The following TOM1L2 variants were observed in gnomAD, a reference collection of about 807,000 sequenced individuals.
The protein encoded by TOM1L2 is TOM1-like protein 2.
In TOM1L2, 31 loss-of-function variants were observed where a neutral mutation model predicts 67.9. That is an observed-to-expected ratio of 0.46 (90% CI 0.34 to 0.62). The LOEUF (loss-of-function observed/expected upper bound fraction) is 0.62, where lower values mean the gene tolerates loss of function less well. TOM1L2 is among the 20% of genes least tolerant of loss of function. The pLI is 0.01. For synonymous variants in TOM1L2, 256 were observed against 254.0 expected, an observed-to-expected ratio of 1.01 and a Z score of -0.07; for missense variants, 606 against 663.5, an observed-to-expected ratio of 0.91 and a Z score of 0.95.
chr17:17,876,261 A>G (rs1313071781), intron 7 of TOM1L2, among the ~76,000 whole-genome samples: 1 of 152,190 alleles, frequency 6.6e-6, no homozygotes, highest in African/African-American at 2.4e-5. Context: ...GGTTCCTTGA[A>G]CAGGATGACA....
chr17:17,854,021 G>T (rs1281594397), intron 12 of TOM1L2, among the ~76,000 whole-genome samples: 1 of 152,208 alleles, frequency 6.6e-6, no homozygotes, highest in Non-Finnish European at 1.5e-5. Context: ...CAATATAGAA[G>T]CCACTTGGCC....
At chr17:17,958,240 G>A (rs1289262324) in intron 1 of TOM1L2, among the ~76,000 whole-genome samples, 1 of 152,156 alleles carries the variant, frequency 6.6e-6, no homozygotes, top group Non-Finnish European at 1.5e-5. Flanking sequence ...TAACTGACAG[G>A]ATGTGCCCCA....
chr17:17,953,349 G>A (rs1168905100), intron 1 of TOM1L2, among the ~76,000 whole-genome samples: 3 of 152,178 alleles, frequency 2.0e-5, no homozygotes, highest in African/African-American at 7.2e-5. Context: ...ACAAAAGACT[G>A]CAGAGAGTCA....
chr17:17,858,346 C>T (rs771620846), intron 12 of TOM1L2: 12 of 153,348 alleles, frequency 7.8e-5, no homozygotes, highest in Non-Finnish European at 1.6e-4. Flanking sequence ...CTGTGTTGCC[C>T]GGACTGGTCT....
rs892585437 is a variant in TOM1L2 at position 17,844,243 on chromosome 17, C to G, written c.*3392G>C. On this transcript the variant is annotated 3_prime_UTR_variant, in exon 15 of 15. Coordinates refer to ENST00000379504, the MANE Select transcript of TOM1L2 (RefSeq NM_001082968.2). ...CAACTGAGTTAGAGATGCGTGTCTG[C>G]GGGGGCCCAGGGTGGGGTGTGGCAG... is the stretch of plus-strand genomic sequence containing the variant. 1.3e-5 allele frequency: 2 copies of G among 152,384 alleles called. No individual in the cohort carries two copies. Among genetic ancestry groups the G allele is most frequent in the African/African-American group, 4.8e-5 (2 of 41,564 alleles). 9.4% of individuals were successfully genotyped at this position (152,384 alleles called of 1,614,324 possible).
At chr17:17,891,751 T>G (rs2038288090) in intron 4 of TOM1L2, among the ~76,000 whole-genome samples, 2 of 147,714 alleles carry the variant, frequency 1.4e-5, no homozygotes, top group African/African-American at 5.1e-5. Flanking sequence ...TGTGGTAGAG[T>G]GGGGTGTATG....
At chr17:17,872,646 G>A (rs2037210223) in intron 7 of TOM1L2, among the ~76,000 whole-genome samples, 1 of 152,268 alleles carries the variant, frequency 6.6e-6, no homozygotes, top group African/African-American at 2.4e-5. Flanking sequence ...CCCCAGGGAT[G>A]TGGACGTGCC....
intron 1 of TOM1L2, among the ~76,000 whole-genome samples, chr17:17,937,815 G>A (rs2040569647): frequency 6.6e-6 from 1 of 152,214 alleles, no homozygotes; most frequent in African/African-American, 2.4e-5. Context: ...ACAGTGGAGG[G>A]GGGCATGTGG....
At chr17:17,951,217 C>T (rs943257035) in intron 1 of TOM1L2, among the ~76,000 whole-genome samples, 2 of 152,212 alleles carry the variant, frequency 1.3e-5, no homozygotes, top group African/African-American at 4.8e-5. Context: ...ACCCAGTAGA[C>T]GGCAGTTCCC....
At chr17:17,880,905 C>T (rs1339577572) in intron 6 of TOM1L2, among the ~76,000 whole-genome samples, 1 of 152,204 alleles carries the variant, frequency 6.6e-6, no homozygotes, top group African/African-American at 2.4e-5. Flanking sequence ...CTTCTCTCCC[C>T]AGTGAAGCCT....
chr17:17,882,580 C>G (rs1437639720), intron 6 of TOM1L2, 125 bp downstream of exon 6: 3 of 1,320,840 alleles, frequency 2.3e-6, no homozygotes, highest in Non-Finnish European at 3.1e-6. Context: ...GGATTGAGCC[C>G]TTCCATCTCT....
intron 12 of TOM1L2, chr17:17,857,682 C>G (rs911175646): frequency 5.6e-5 from 67 of 1,194,228 alleles, no homozygotes; most frequent in Admixed American, 3.5e-4. Context: ...CACAAAGGCT[C>G]GGCAGGTCAC....
chr17:17,916,118 G>C (rs1357801372), intron 1 of TOM1L2, among the ~76,000 whole-genome samples: 1 of 147,440 alleles, frequency 6.8e-6, no homozygotes, highest in South Asian at 2.1e-4. Context: ...CTGTCACCCA[G>C]GCTGGAGTGC....
chr17:17,942,071 C>T (rs2040758069), intron 1 of TOM1L2, among the ~76,000 whole-genome samples: 1 of 152,206 alleles, frequency 6.6e-6, no homozygotes, highest in African/African-American at 2.4e-5. Flanking sequence ...ATTACAGGGG[C>T]TTATGAGAAC....
At position 17,960,232 on chromosome 17, in the gene TOM1L2, C is replaced by T. The variant is rs571733666; in HGVS notation, c.52+12030G>A. Among the ~76,000 whole-genome samples, 7 of 152,358 alleles carry T rather than the reference C, an allele frequency of 4.6e-5. No homozygotes were observed. The South Asian group carries it at 1.4e-3, about 32-fold the overall frequency. On this transcript the variant is annotated intron_variant, in intron 1 of 14. Coordinates refer to ENST00000379504, the MANE Select transcript of TOM1L2 (RefSeq NM_001082968.2). ...ACTCAATCCCACAAACAATACTAAG[C>T]TCTCTGGTTTAGTGGTTAAGAGCAC...
At chr17:17,945,524 A>G (rs1314862541) in intron 1 of TOM1L2, among the ~76,000 whole-genome samples, 1 of 152,214 alleles carries the variant, frequency 6.6e-6, no homozygotes, top group Non-Finnish European at 1.5e-5. Flanking sequence ...TGATGAAAAG[A>G]TAGACCCTCT....
chr17:17,867,263 C>T (rs907987129), intron 8 of TOM1L2, among the ~76,000 whole-genome samples: 11 of 152,064 alleles, frequency 7.2e-5, no homozygotes, highest in African/African-American at 2.7e-4. Context: ...CTGCAGACTC[C>T]CTATTTCATA....
At chr17:17,964,298 C>A (rs1345785085) in intron 1 of TOM1L2, among the ~76,000 whole-genome samples, 2 of 152,304 alleles carry the variant, frequency 1.3e-5, no homozygotes, top group Admixed American at 1.3e-4. Flanking sequence ...TCTGCTAGGT[C>A]AAGAGCAACA....
intron 7 of TOM1L2, chr17:17,872,006 G>A (rs982736280): frequency 1.0e-6 from 1 of 985,498 alleles, no homozygotes; most frequent in Non-Finnish European, 1.2e-6. Flanking sequence ...GGCCAGGCAG[G>A]AGAGGGGCTC....
Sources: gnomAD v4.1 joint callset for allele counts (sites outside exome capture counted in the v4.1 genomes callset) on GRCh38, gnomAD v4.1.1 for gene constraint, MANE v1.5 for transcripts, NCBI Gene and HGNC (gene_info 2026-07-23, HGNC 2026-07-21) for gene names.